The following ITGB2 variants were observed in gnomAD, a reference collection of about 807,000 sequenced individuals.
The protein encoded by ITGB2 is integrin subunit beta 2.
A neutral mutation model predicts 86.8 loss-of-function variants in ITGB2; 56 were observed. The observed-to-expected ratio is 0.65, with a 90% CI of 0.52 to 0.81. ITGB2 has a LOEUF of 0.81. ITGB2 is among the 30% of genes least tolerant of loss of function. The pLI is 0.00. For missense variants in ITGB2, 948 were observed against 1,061.2 expected (o/e 0.89, Z 1.48); for synonymous variants, 457 against 450.4 (o/e 1.01, Z -0.19).
At position 44,908,144 on chromosome 21, in the gene ITGB2, C is replaced by A. The variant is rs756380241; in HGVS notation, c.148-1049G>T. On this transcript the variant is annotated intron_variant, in intron 3 of 15. Coordinates refer to ENST00000652462, the MANE Select transcript of ITGB2 (RefSeq NM_000211.5). ...CCCGGCTTCTCCTCCGGGGACTGCTCGCCGCGGTGGCGTGGGCTGGAGGAC... is the reference window on the plus strand; with the variant it reads ...CCCGGCTTCTCCTCCGGGGACTGCTAGCCGCGGTGGCGTGGGCTGGAGGAC... 6.7e-6 allele frequency: 5 copies of A among 741,828 alleles called. No individual in the cohort carries two copies. The South Asian group carries it at 7.2e-5, about 11-fold the overall frequency. 46.0% of individuals were successfully genotyped at this position (741,828 alleles called of 1,614,324 possible).
intron 1 of ITGB2, among the ~76,000 whole-genome samples, chr21:44,926,524 C>G (rs927636418): frequency 6.6e-5 from 10 of 152,338 alleles, no homozygotes; most frequent in South Asian, 6.2e-4. Flanking sequence ...CCACGCCGGG[C>G]TGCTTCCCAG....
intron 8 of ITGB2, among the ~76,000 whole-genome samples, chr21:44,896,779 C>T (rs1650004391): frequency 6.6e-6 from 1 of 152,230 alleles, no homozygotes; most frequent in South Asian, 2.1e-4. Context: ...TGACCACCCC[C>T]GAAGGTGACC....
At chr21:44,916,941 A>G (rs1026133560) in intron 1 of ITGB2, among the ~76,000 whole-genome samples, 2 of 152,160 alleles carry the variant, frequency 1.3e-5, no homozygotes, top group African/African-American at 4.8e-5. Flanking sequence ...ATGTTGTACT[A>G]ACAAATTGCA....
At chr21:44,891,755 GCC>G in intron 11 of ITGB2, 52 bp downstream of exon 11, 1 of 1,583,734 alleles carries the variant, frequency 6.3e-7, no homozygotes, top group African/African-American at 1.3e-5. Context: ...GCCGACACCT[GCC>G]CTGTGGGGTG....
Position 44,903,962 on chromosome 21 carries a change from C to A in ITGB2, c.329-427G>T, listed in dbSNP as rs139937220. Reference sequence around the variant, plus strand: ...CTGGCACTTCCCAGCAAGGCCCACGCGGGCCGTCCCCAGGAGGCCCCTTTC... The same window carrying A: ...CTGGCACTTCCCAGCAAGGCCCACGAGGGCCGTCCCCAGGAGGCCCCTTTC... On this transcript the variant is annotated intron_variant, in intron 4 of 15. Transcript: ENST00000652462. Among the ~76,000 whole-genome samples, 15 of 152,300 alleles carry A rather than the reference C, an allele frequency of 9.8e-5. No homozygotes were observed. In the East Asian group the frequency reaches 2.7e-3, roughly 27 times the overall value.
Position 44,907,065 on chromosome 21 carries a change from T to A in ITGB2, c.178A>T (p.Ile60Phe). 1 of 1,609,862 alleles carries A rather than the reference T, an allele frequency of 6.2e-7. No homozygotes were observed. Among genetic ancestry groups the A allele is most frequent in the Non-Finnish European group, 8.5e-7 (1 of 1,176,924 alleles). Residue 60 changes from isoleucine to phenylalanine, a missense_variant, in exon 4 of 16, where the codon ATT becomes TTT. Ile to Phe is a conservative substitution (Grantham distance 21). Transcript: ENST00000652462. ...NFTGPGDPDS[I>F]RCDTRPQLLM... is the part of the protein sequence containing the mutation. The stretch of plus-strand genomic sequence containing the variant: ...AGCTGTGGCCGGGTGTCGCAGCGAA[T>A]GGAGTCAGGATCCCCCGGCCCTGTG...
In ITGB2 at chr21:44,911,553, C is replaced by A. The variant is rs139945773; in HGVS notation, c.-3-768G>T. ...CCAGGAAGAGAAAGCTGGCTTGATG[C>A]CCGCGGGTGCCAAGCTGTGTGCTAG... is the stretch of plus-strand genomic sequence containing the variant. On this transcript the variant is annotated intron_variant, in intron 1 of 15. Coordinates refer to ENST00000652462, the MANE Select transcript of ITGB2 (RefSeq NM_000211.5). 557 of 152,626 alleles carry A rather than the reference C, an allele frequency of 3.6e-3. 3 individuals are homozygous for A. The highest frequency in any genetic ancestry group is 6.6e-3 in the Non-Finnish European group (452 of 68,270). The allele number at this position is 152,626 out of a possible 1,614,324, so 9.5% of individuals were successfully genotyped here.
intron 5 of ITGB2, 26 bp from the exon 6 acceptor site, chr21:44,901,759 G>A: frequency 6.3e-7 from 1 of 1,596,508 alleles, no homozygotes; most frequent in East Asian, 2.2e-5. Context: ...AGGGGCTGGG[G>A]AGGTGGCAGG....
At chr21:44,899,513 GTGCGGCTCT>G (rs2083917034) in intron 7 of ITGB2, among the ~76,000 whole-genome samples, 1 of 152,056 alleles carries the variant, frequency 6.6e-6, no homozygotes, top group Non-Finnish European at 1.5e-5. Flanking sequence ...TGAGTGTCAG[GTGCGGCTCT>G]CCCTACCCGA....
chr21:44,886,670 C>G, intron 15 of ITGB2, 66 bp downstream of exon 15: 1 of 1,605,020 alleles, frequency 6.2e-7, no homozygotes, highest in South Asian at 1.1e-5. Context: ...CCTCCCGCAG[C>G]AGGAGGTCGC....
intron 1 of ITGB2, among the ~76,000 whole-genome samples, chr21:44,916,167 T>C (rs12626397): frequency 0.41 from 62,105 of 151,832 alleles, 12,979 homozygotes; most frequent in South Asian, 0.55. Context: ...GTGATCCGCC[T>C]GCCTCGGCCT....
chr21:44,903,259 A>G (rs1458389444), intron 5 of ITGB2, 106 bp downstream of exon 5: 81 of 1,436,472 alleles, frequency 5.6e-5, no homozygotes, highest in Non-Finnish European at 7.4e-5. Flanking sequence ...TGGGGCCCCC[A>G]GATCTACCCT....
chr21:44,891,847 G>A lies in ITGB2; in HGVS notation c.1374C>T (p.Leu458=), dbSNP rs555182556. The A allele has an allele frequency of 1.4e-5, 23 of 1,610,646 alleles. 2 individuals carry two copies. In the South Asian group the frequency reaches 2.5e-4, roughly 18 times the overall value. The change falls in exon 11 of 16, where the codon CTC becomes CTT. Residue 458 remains leucine, a synonymous_variant. Transcript: ENST00000652462. ...RCRDQSRDRS[L]CHGKGFLECG... is the part of the protein sequence containing the mutation. ...ACTCCAAGAAGCCCTTGCCATGGCAGAGGCTGCGGTCTCTGCTCTGGTCCC... is the reference window on the plus strand; with the variant it reads ...ACTCCAAGAAGCCCTTGCCATGGCAAAGGCTGCGGTCTCTGCTCTGGTCCC...
upstream of ITGB2, among the ~76,000 whole-genome samples, chr21:44,925,293 A>G (rs1294624286): frequency 2.0e-5 from 3 of 151,710 alleles, no homozygotes; most frequent in Admixed American, 1.3e-4. Context: ...TTCTTTTTTT[A>G]ATAGAGACTA....
chr21:44,891,690 A>G, intron 11 of ITGB2, 119 bp downstream of exon 11: 1 of 1,164,432 alleles, frequency 8.6e-7, no homozygotes, highest in Non-Finnish European at 1.2e-6. Flanking sequence ...GGCCCCCAGG[A>G]TGCCTGCTCC....
chr21:44,887,746 G>A (rs1353004127), intron 14 of ITGB2, among the ~76,000 whole-genome samples: 1 of 152,214 alleles, frequency 6.6e-6, no homozygotes, highest in African/African-American at 2.4e-5. Flanking sequence ...ACCCAAGTCT[G>A]TCCCTCAAAG....
Position 44,891,819 on chromosome 21 carries a change from C to G in ITGB2, c.1402G>C (p.Gly468Arg). 6.2e-7 allele frequency: 1 copy of G among 1,606,148 alleles called. No homozygotes were observed. Among genetic ancestry groups the G allele is most frequent in the Non-Finnish European group, 8.5e-7 (1 of 1,179,946 alleles). ...LCHGKGFLEC[G>R]ICRCDTGYIG... ...CTGCGCCCGCCTCACCTGCAGATGC[C>G]GCACTCCAAGAAGCCCTTGCCATGG... Residue 468 changes from glycine (G) to arginine (R), a missense_variant, in exon 11 of 16, where the codon GGC (glycine) becomes CGC (arginine). Gly to Arg is a moderately radical substitution (Grantham distance 125, BLOSUM62 -2). Coordinates refer to ENST00000652462, the MANE Select transcript of ITGB2 (RefSeq NM_000211.5).
At chr21:44,912,885 T>C (rs1390636396) in intron 1 of ITGB2, among the ~76,000 whole-genome samples, 1 of 40,234 alleles carries the variant, frequency 2.5e-5, no homozygotes, top group Admixed American at 1.8e-4. Context: ...GCTTCAGGAC[T>C]CCCCCAGGGT....
chr21:44,901,037 C>T (rs1301352531), intron 6 of ITGB2, among the ~76,000 whole-genome samples: 4 of 152,180 alleles, frequency 2.6e-5, no homozygotes, highest in African/African-American at 9.7e-5. Flanking sequence ...CAACATGGCC[C>T]AGGGACTGTG....
Sources: gnomAD v4.1 joint callset for allele counts (sites outside exome capture counted in the v4.1 genomes callset) on GRCh38, gnomAD v4.1.1 for gene constraint, MANE v1.5 for transcripts, NCBI Gene and HGNC (gene_info 2026-07-23, HGNC 2026-07-21) for gene names.